The following ATP8A2 variants were observed in gnomAD, a reference collection of about 807,000 sequenced individuals.
The protein encoded by ATP8A2 is phospholipid-transporting ATPase IB.
A neutral mutation model predicts 165.6 loss-of-function variants in ATP8A2; 100 were observed. That is an observed-to-expected ratio of 0.60 (90% CI 0.51 to 0.71). ATP8A2 has a LOEUF of 0.71. Among genes scored for constraint, ATP8A2 ranks in the 30% least tolerant of loss-of-function variants. The probability of loss-of-function intolerance (pLI) is 0.00; values close to 1 mark genes in which losing one functional copy is unlikely to be tolerated. For synonymous variants in ATP8A2, 543 were observed against 548.8 expected (o/e 0.99, Z 0.15); for missense variants, 1,227 against 1,479.5 (o/e 0.83, Z 2.80).
At chr13:25,560,848 C>T (rs1248315374) in intron 15 of ATP8A2, among the ~76,000 whole-genome samples, 2 of 150,976 alleles carry the variant, frequency 1.3e-5, no homozygotes, top group African/African-American at 2.4e-5. Flanking sequence ...TAGGCATATG[C>T]CATTTCAACC....
At chr13:25,514,015 G>A (rs1008232825) in intron 2 of ATP8A2, among the ~76,000 whole-genome samples, 9 of 150,706 alleles carry the variant, frequency 6.0e-5, no homozygotes, top group African/African-American at 2.2e-4. Flanking sequence ...AGAGGGAGAG[G>A]GAGAGGGAGA....
Position 25,839,757 on chromosome 13 carries a change from TAAAGC to T in ATP8A2, c.2956+135_2956+139del, listed in dbSNP as rs1002441771. On this transcript the variant is annotated intron_variant, in intron 30 of 36. Transcript: ENST00000381655. ...ACACATTTTAGAGGAAAAACATACC[TAAAGC>T]ATAATGAGAGCTAGTCCCAGGTTTA... is the stretch of plus-strand genomic sequence containing the variant. 41 of 718,968 alleles carry T rather than the reference TAAAGC, an allele frequency of 5.7e-5. No homozygotes were observed. In the African/African-American group the frequency reaches 6.3e-4, roughly 11 times the overall value. The allele number at this position is 718,968 out of a possible 1,614,324, so 44.5% of individuals were successfully genotyped here. A position where few individuals can be genotyped will look rare whatever the true frequency, so the allele number is the denominator to read the frequency against.
intron 24 of ATP8A2, among the ~76,000 whole-genome samples, chr13:25,630,586 C>G (rs1453119270): frequency 6.6e-6 from 1 of 152,170 alleles, no homozygotes; most frequent in Non-Finnish European, 1.5e-5. Flanking sequence ...ACACAACTAG[C>G]TGATGCTCAT....
rs114684016 is a variant in ATP8A2, at chr13:25,746,009, C to G, written c.2385-23037C>G. Among the ~76,000 whole-genome samples, 697 of 152,366 alleles carry G rather than the reference C, an allele frequency of 4.6e-3. 7 individuals are homozygous for G. The highest frequency in any genetic ancestry group is 0.016 in the African/African-American group (653 of 41,590). On this transcript the variant is annotated intron_variant, in intron 25 of 36. Transcript: ENST00000381655. ...TTCACCACACTCCAGATGCCTGGAG[C>G]TGTGGGCTGACTTCTCGTTGATCTG...
intron 1 of ATP8A2, among the ~76,000 whole-genome samples, chr13:25,449,675 G>T (rs773425746): frequency 2.0e-5 from 3 of 151,982 alleles, no homozygotes; most frequent in Non-Finnish European, 1.5e-5. Flanking sequence ...GTATAATTGC[G>T]GGTTTTTCTA....
intron 33 of ATP8A2, among the ~76,000 whole-genome samples, chr13:25,896,118 T>C (rs1410440400): frequency 6.6e-6 from 1 of 152,250 alleles, no homozygotes; most frequent in Non-Finnish European, 1.5e-5. Flanking sequence ...CTTTTAATTG[T>C]AATGTTAGGG....
chr13:25,692,511 A>G (rs1414605690), intron 24 of ATP8A2, among the ~76,000 whole-genome samples: 3 of 152,230 alleles, frequency 2.0e-5, no homozygotes, highest in Non-Finnish European at 4.4e-5. Flanking sequence ...GCAAATCGGT[A>G]GAAATGCATC....
chr13:25,921,426 G>A (rs1954450862), intron 33 of ATP8A2, among the ~76,000 whole-genome samples: 1 of 151,106 alleles, frequency 6.6e-6, no homozygotes, highest in Non-Finnish European at 1.5e-5. Flanking sequence ...GACCAGCCTG[G>A]CCAGGTTGGT....
Position 25,578,874 on chromosome 13 carries a change from C to T in ATP8A2, c.1842C>T (p.Cys614=). The T allele has an allele frequency of 6.2e-7, 1 of 1,610,476 alleles. No individual in the cohort carries two copies. The highest frequency in any genetic ancestry group is 8.5e-7 in the Non-Finnish European group (1 of 1,176,862). Residue 614 remains cysteine (C), a synonymous_variant, in exon 21 of 37, where the codon TGC becomes TGT. Coordinates refer to ENST00000381655, the MANE Select transcript of ATP8A2 (RefSeq NM_016529.6). ...KDSKYMEETL[C]HLEYFATEGL... is the part of the protein sequence containing the mutation. ...CAAAATATATGGAGGAAACATTATGCCATCTGGAATACTTTGCCACGGAAG... is the reference window on the plus strand; with the variant it reads ...CAAAATATATGGAGGAAACATTATGTCATCTGGAATACTTTGCCACGGAAG...
At chr13:25,965,833 T>C (rs1285021460) in intron 34 of ATP8A2, among the ~76,000 whole-genome samples, 1 of 152,186 alleles carries the variant, frequency 6.6e-6, no homozygotes, top group African/African-American at 2.4e-5. Context: ...TAATCCCAGA[T>C]AGGCAGTTAA....
chr13:26,017,718 G>A (rs1957010850), intron 36 of ATP8A2, among the ~76,000 whole-genome samples: 1 of 152,208 alleles, frequency 6.6e-6, no homozygotes, highest in South Asian at 2.1e-4. Flanking sequence ...TCAAAGCACA[G>A]CCACCTACCT....
intron 33 of ATP8A2, among the ~76,000 whole-genome samples, chr13:25,916,922 T>C (rs1315997590): frequency 6.6e-6 from 1 of 152,210 alleles, no homozygotes; most frequent in African/African-American, 2.4e-5. Flanking sequence ...AAAAATCACA[T>C]GTTGGGCACT....
intron 13 of ATP8A2, among the ~76,000 whole-genome samples, chr13:25,556,217 G>A (rs1270527928): frequency 6.6e-6 from 1 of 152,174 alleles, no homozygotes; most frequent in African/African-American, 2.4e-5. Context: ...CTGAACTAAT[G>A]TATACTCCCA....
chr13:25,731,017 T>TGAGC lies in ATP8A2; in HGVS notation c.2384+31673_2384+31676dup, dbSNP rs995303841. Among the ~76,000 whole-genome samples, 414 of 150,336 alleles carry TGAGC rather than the reference T, an allele frequency of 2.8e-3. 7 individuals are homozygous for TGAGC. Among genetic ancestry groups the TGAGC allele is most frequent in the Non-Finnish European group, 4.9e-4 (33 of 67,822 alleles). ...TGAACCTGGGTTGTTGAAGCTGTAG[T>TGAGC]GAGCCATGTTCCTCCCACTACACTC... On this transcript the variant is annotated intron_variant, in intron 25 of 36. Transcript: ENST00000381655.
chr13:25,793,762 A>G (rs886358602), intron 27 of ATP8A2, among the ~76,000 whole-genome samples: 3 of 152,294 alleles, frequency 2.0e-5, no homozygotes, highest in African/African-American at 7.2e-5. Context: ...GCTATCTAAT[A>G]TGTCACGGTG....
At chr13:25,855,086 A>G (rs374218383) in intron 30 of ATP8A2, among the ~76,000 whole-genome samples, 2 of 152,060 alleles carry the variant, frequency 1.3e-5, no homozygotes, top group East Asian at 1.9e-4. Context: ...CCCCGTCTCT[A>G]CTAAAAATAC....
At chr13:25,970,805 G>T (rs1003372646) in intron 35 of ATP8A2, among the ~76,000 whole-genome samples, 1 of 152,174 alleles carries the variant, frequency 6.6e-6, no homozygotes. Flanking sequence ...CCTTGAAAGA[G>T]TGTGTGAGCC....
chr13:26,002,562 T>TAAA (rs56339912), intron 35 of ATP8A2, among the ~76,000 whole-genome samples: 1 of 135,456 alleles, frequency 7.4e-6, no homozygotes. Flanking sequence ...CTTAAAGTAT[T>TAAA]AAAAAAAAAA....
rs181630458 is a variant in ATP8A2, at chr13:25,513,829, C to T, written c.222-16170C>T. 5.4e-3 allele frequency among the ~76,000 whole-genome samples: 819 copies of T among 152,314 alleles called. 12 individuals carry two copies. The highest frequency in any genetic ancestry group is 0.025 in the Admixed American group (386 of 15,306). ...AAAACCAGTCAGGCGTGGCGGCGCG[C>T]GCCTGCAATCGCAGGCACTTGGCAG... is the stretch of plus-strand genomic sequence containing the variant. On this transcript the variant is annotated intron_variant, in intron 2 of 36. Transcript: ENST00000381655.
Sources: gnomAD v4.1 joint callset for allele counts (sites outside exome capture counted in the v4.1 genomes callset) on GRCh38, gnomAD v4.1.1 for gene constraint, MANE v1.5 for transcripts, NCBI Gene and HGNC (gene_info 2026-07-23, HGNC 2026-07-21) for gene names.